Variants in ELAPOR2 observed in about 807,000 individuals in gnomAD.
The protein encoded by ELAPOR2 is endosome-lysosome associated apoptosis and autophagy regulator family member 2.
In ELAPOR2, 89 loss-of-function variants were observed where a neutral mutation model predicts 120.7. The ratio of observed to expected loss-of-function variants is 0.74; its 90% CI spans 0.62 to 0.88. ELAPOR2 has a LOEUF of 0.88. Among genes scored for constraint, ELAPOR2 ranks in the 40% least tolerant of loss-of-function variants. The pLI, the probability that ELAPOR2 is intolerant of heterozygous loss-of-function variation, is 0.00. For synonymous variants in ELAPOR2, 444 were observed against 444.9 expected (o/e 1.00, Z 0.03); for missense variants, 1,134 against 1,251.6 (o/e 0.91, Z 1.42).
chr7:86,969,817 C>T (rs970879113), intron 1 of ELAPOR2, among the ~76,000 whole-genome samples: 2 of 152,008 alleles, frequency 1.3e-5, no homozygotes, highest in Admixed American at 6.6e-5. Context: ...ATACAAAATG[C>T]GACCCTATTT....
chr7:86,909,704 T>C, intron 16 of ELAPOR2, 108 bp downstream of exon 16: 1 of 917,252 alleles, frequency 1.1e-6, no homozygotes, highest in Non-Finnish European at 1.6e-6. Flanking sequence ...TAAAATTACC[T>C]GTGGGGGCCT....
chr7:86,912,201 T>G lies in ELAPOR2; in HGVS notation c.2040A>C (p.Lys680Asn), dbSNP rs777935883. 1.9e-6 allele frequency: 3 copies of G among 1,607,352 alleles called. No individual in the cohort carries two copies. In the South Asian group the frequency reaches 3.3e-5, roughly 18 times the overall value. The change falls in exon 15 of 22, where the codon AAA (lysine) becomes AAC (asparagine). Residue 680 changes from lysine (K) to asparagine (N), a missense_variant. Around this residue, in one of 3 missense-constraint regions of ELAPOR2, gnomAD observed 831 missense variants for 867.6 expected, o/e 0.96. Transcript: ENST00000450689. The stretch of plus-strand genomic sequence containing the variant: ...AGTCATAGTGCAAACTCTGATTTTC[T>G]TTTTCATGGTAGAAAAAGCAGTCAC... The part of the protein sequence containing the change: ...CYSDCFFYHE[K>N]ENQSLHYDFS...
At chr7:86,935,141 C>T (rs1790509477) in intron 8 of ELAPOR2, among the ~76,000 whole-genome samples, 1 of 152,042 alleles carries the variant, frequency 6.6e-6, no homozygotes, top group South Asian at 2.1e-4. Context: ...TTGCATCACT[C>T]TGATACCAAA....
In ELAPOR2 at chr7:86,880,412, C is replaced by T. The variant is rs1018073541; in HGVS notation, c.*59G>A. 1 of 1,218,168 alleles carries T rather than the reference C, an allele frequency of 8.2e-7. No homozygotes were observed. The highest frequency in any genetic ancestry group is 1.7e-5 in the Admixed American group (1 of 58,660). The allele number at this position is 1,218,168 out of a possible 1,614,324, so 75.5% of individuals were successfully genotyped here. A position where few individuals can be genotyped will look rare whatever the true frequency, so the allele number is the denominator to read the frequency against. On this transcript the variant is annotated 3_prime_UTR_variant, in exon 22 of 22. Coordinates refer to ENST00000450689, the MANE Select transcript of ELAPOR2 (RefSeq NM_001142749.3). ...ATGAGGACAGACCCTAAAATATGGT[C>T]CTGTAAAACTAGAGCAGGTTTCTTT...
At chr7:86,880,625 T>C in intron 21 of ELAPOR2, 95 bp from the exon 22 acceptor site, 2 of 797,900 alleles carry the variant, frequency 2.5e-6, no homozygotes, top group South Asian at 3.0e-5. Flanking sequence ...AGAAATCATT[T>C]TAACCTATCT....
intron 1 of ELAPOR2, among the ~76,000 whole-genome samples, chr7:87,001,342 C>G (rs1333258181): frequency 1.3e-5 from 2 of 152,224 alleles, no homozygotes; most frequent in South Asian, 2.1e-4. Context: ...CAGTCACCCC[C>G]ACAATAATCC....
intron 2 of ELAPOR2, among the ~76,000 whole-genome samples, chr7:86,960,031 TG>T (rs1791641917): frequency 6.6e-6 from 1 of 152,228 alleles, no homozygotes; most frequent in South Asian, 2.1e-4. Context: ...CTTTTGTTGT[TG>T]ATTTCTGGTT....
chr7:87,025,800 C>G (rs1794224607), intron 1 of ELAPOR2, among the ~76,000 whole-genome samples: 2 of 151,974 alleles, frequency 1.3e-5, no homozygotes, highest in Admixed American at 1.3e-4. Context: ...GAGCATAATT[C>G]TTCAAAATTC....
At chr7:87,042,307 CATT>C (rs1302905088) in intron 1 of ELAPOR2, among the ~76,000 whole-genome samples, 1 of 149,846 alleles carries the variant, frequency 6.7e-6, no homozygotes, top group East Asian at 1.9e-4. Flanking sequence ...ACAGAATATA[CATT>C]TTTTTCAGCA....
intron 1 of ELAPOR2, among the ~76,000 whole-genome samples, chr7:86,990,433 C>G (rs936939170): frequency 6.6e-6 from 1 of 152,104 alleles, no homozygotes; most frequent in African/African-American, 2.4e-5. Context: ...CATGTTGGCA[C>G]ACTTAACCCC....
intron 1 of ELAPOR2, among the ~76,000 whole-genome samples, chr7:86,991,708 G>T (rs1229586642): frequency 6.6e-6 from 1 of 152,148 alleles, no homozygotes; most frequent in East Asian, 1.9e-4. Context: ...AAGTCATGAG[G>T]CTCCTTCTGT....
At chr7:86,995,117 G>C (rs557133364) in intron 1 of ELAPOR2, among the ~76,000 whole-genome samples, 1 of 152,068 alleles carries the variant, frequency 6.6e-6, no homozygotes, top group Non-Finnish European at 1.5e-5. Flanking sequence ...AGTTTCAAGC[G>C]TCACCTTCAG....
chr7:87,008,158 G>A (rs1049740889), intron 1 of ELAPOR2, among the ~76,000 whole-genome samples: 6 of 152,108 alleles, frequency 3.9e-5, no homozygotes, highest in Non-Finnish European at 5.9e-5. Flanking sequence ...CATGCCTCCT[G>A]GTATCATGCA....
chr7:86,905,882 G>T (rs184597652), intron 18 of ELAPOR2, among the ~76,000 whole-genome samples: 1 of 152,218 alleles, frequency 6.6e-6, no homozygotes, highest in Admixed American at 6.5e-5. Context: ...GAGGTCAAAG[G>T]AGAAACAAGT....
intron 1 of ELAPOR2, among the ~76,000 whole-genome samples, chr7:87,031,074 A>G (rs1185778730): frequency 1.3e-5 from 2 of 152,120 alleles, no homozygotes; most frequent in East Asian, 1.9e-4. Flanking sequence ...CCCATGATTC[A>G]ATTATCTCCC....
chr7:86,940,893 T>A (rs2116341794), intron 5 of ELAPOR2, among the ~76,000 whole-genome samples: 1 of 152,202 alleles, frequency 6.6e-6, no homozygotes, highest in African/African-American at 2.4e-5. Context: ...GCACTTTCCC[T>A]TGTATTAAGC....
At chr7:86,947,469 T>C (rs1261357898) in intron 3 of ELAPOR2, among the ~76,000 whole-genome samples, 1 of 152,224 alleles carries the variant, frequency 6.6e-6, no homozygotes, top group African/African-American at 2.4e-5. Context: ...AATGTAGTTA[T>C]AAATATGAGA....
chr7:86,911,284 G>A (rs1789296867), intron 15 of ELAPOR2, among the ~76,000 whole-genome samples: 1 of 152,094 alleles, frequency 6.6e-6, no homozygotes, highest in African/African-American at 2.4e-5. Flanking sequence ...AAACAGGACA[G>A]CTGTCATACT....
chr7:86,885,158 C>T (rs1290621959), intron 21 of ELAPOR2, among the ~76,000 whole-genome samples: 1 of 152,164 alleles, frequency 6.6e-6, no homozygotes, highest in Non-Finnish European at 1.5e-5. Context: ...TTACATTAAA[C>T]ATTATTAACA....
Sources: gnomAD v4.1 joint callset for allele counts (sites outside exome capture counted in the v4.1 genomes callset) on GRCh38, gnomAD v4.1.1 for gene constraint, gnomAD v4.1.1 regional missense constraint, MANE v1.5 for transcripts, NCBI Gene and HGNC (gene_info 2026-07-23, HGNC 2026-07-21) for gene names.